MROH7: variants seen among roughly 807,000 people sequenced by gnomAD.
MROH7 encodes maestro heat-like repeat-containing protein family member 7.
A neutral mutation model predicts 129.2 loss-of-function variants in MROH7; 113 were observed. The observed-to-expected ratio is 0.87, with a 90% CI of 0.75 to 1.02. The LOEUF (loss-of-function observed/expected upper bound fraction) is 1.02. Ranked by LOEUF, MROH7 falls within the 50% of genes least tolerant of loss-of-function variation. MROH7 has a pLI of 0.00. For missense variants in MROH7, 1,601 were observed against 1,671.3 expected, an observed-to-expected ratio of 0.96 and a Z score of 0.73; for synonymous variants, 655 against 667.9, an observed-to-expected ratio of 0.98 and a Z score of 0.30.
At chr1:54,689,158 C>G (rs1411414816) in intron 15 of MROH7, among the ~76,000 whole-genome samples, 1 of 152,162 alleles carries the variant, frequency 6.6e-6, no homozygotes, top group African/African-American at 2.4e-5. Context: ...TGAGGTCCTC[C>G]TGGATTAACC....
rs751504853 is a variant in MROH7 at position 54,702,140 on chromosome 1, C to A, written c.3336C>A (p.Val1112=). ...GCATCAACCTGTATGGGAAGGTGGT[C>A]CAGAAGCTTCGGGCACCACGCACTC... The part of the protein sequence containing the change: ...SSCINLYGKV[V]QKLRAPRTQA... Residue 1112 remains valine (V), a synonymous_variant, in exon 20 of 24, where the codon GTC becomes GTA. Transcript: ENST00000421030. The A allele has an allele frequency of 1.9e-6, 3 of 1,611,666 alleles. No individual in the cohort carries two copies. Among genetic ancestry groups the A allele is most frequent in the Admixed American group, 1.7e-5 (1 of 59,814 alleles).
chr1:54,686,526 CA>C lies in MROH7; in HGVS notation c.2711+79del, dbSNP rs750615907. 2,331 of 1,302,120 alleles carry C rather than the reference CA, an allele frequency of 1.8e-3. 9 individuals carry two copies. Among genetic ancestry groups the C allele is most frequent in the Non-Finnish European group, 2.4e-3 (2,217 of 930,656 alleles). The allele number at this position is 1,302,120 out of a possible 1,614,324, so 80.7% of individuals were successfully genotyped here. On this transcript the variant is annotated intron_variant, in intron 15 of 23. Transcript: ENST00000421030. ...ATCCAGTCAGAGCCTCCAAAAGTCT[CA>C]GGGGCAATCAATCAATAGAAATCAG...
At chr1:54,709,875 A>G in intron 23 of MROH7, 71 bp from the exon 24 acceptor site, 1 of 1,550,676 alleles carries the variant, frequency 6.4e-7, no homozygotes, top group African/African-American at 1.4e-5. Context: ...TGGAGATGGG[A>G]AGGATTAGGT....
intron 1 of MROH7, among the ~76,000 whole-genome samples, chr1:54,648,823 A>G (rs533685936): frequency 6.6e-6 from 1 of 152,276 alleles, no homozygotes; most frequent in Admixed American, 6.5e-5. Flanking sequence ...TGATGAAGAA[A>G]TGGGGAGAGA....
chr1:54,695,526 C>T, intron 17 of MROH7, 36 bp downstream of exon 17: 1 of 1,364,190 alleles, frequency 7.3e-7, no homozygotes, highest in Non-Finnish European at 1.0e-6. Context: ...AGCGGGAGCT[C>T]CTCCCGGGCC....
At chr1:54,662,308 G>C (rs896418327) in intron 3 of MROH7, among the ~76,000 whole-genome samples, 2 of 152,032 alleles carry the variant, frequency 1.3e-5, no homozygotes, top group African/African-American at 4.8e-5. Flanking sequence ...GGCCGAGGCG[G>C]GCAGATCATT....
At chr1:54,669,770 C>T (rs1292111338) in intron 5 of MROH7, among the ~76,000 whole-genome samples, 1 of 152,048 alleles carries the variant, frequency 6.6e-6, no homozygotes, top group African/African-American at 2.4e-5. Context: ...GAGGCCAAGG[C>T]AGGTGGATCC....
In MROH7 at chr1:54,653,463, A is replaced by G. The variant is rs1557691400; in HGVS notation, c.537A>G (p.Ile179Met). 6.2e-7 allele frequency: 1 copy of G among 1,614,170 alleles called. No individual in the cohort carries two copies. The highest frequency in any genetic ancestry group is 8.5e-7 in the Non-Finnish European group (1 of 1,180,034). ...NPSRHELNPF[I>M]RHHSREGLVL... is the part of the protein sequence containing the mutation. ...CTAGGCATGAATTAAACCCATTTAT[A>G]AGGCACCATTCCAGAGAAGGTCTGG... Residue 179 changes from isoleucine to methionine, a missense_variant, in exon 3 of 24, where the codon ATA (isoleucine) becomes ATG (methionine). By Grantham distance (10) the Ile-to-Met change is conservative. Coordinates refer to ENST00000421030, the MANE Select transcript of MROH7 (RefSeq NM_001039464.4).
At chr1:54,652,744 C>G in intron 2 of MROH7, 109 bp from the exon 3 acceptor site, 1 of 746,592 alleles carries the variant, frequency 1.3e-6, no homozygotes, top group Non-Finnish European at 2.1e-6. Flanking sequence ...GCACAGTCAC[C>G]AGGGCCTTGT....
intron 13 of MROH7, 127 bp downstream of exon 13, chr1:54,680,172 T>C (rs1645046854): frequency 1.3e-6 from 1 of 799,068 alleles, no homozygotes; most frequent in Admixed American, 2.3e-5. Flanking sequence ...TTCTGTGATC[T>C]GGGGTGTTTA....
intron 3 of MROH7, among the ~76,000 whole-genome samples, chr1:54,658,259 T>C (rs755002783): frequency 1.3e-5 from 2 of 152,254 alleles, no homozygotes; most frequent in Non-Finnish European, 2.9e-5. Context: ...GTGAATGTTC[T>C]TAGCATTCTT....
chr1:54,674,262 G>A lies in MROH7; in HGVS notation c.1936+111G>A, dbSNP rs971832650. On this transcript the variant is annotated intron_variant, in intron 10 of 23. Coordinates refer to ENST00000421030, the MANE Select transcript of MROH7 (RefSeq NM_001039464.4). ...CATTAAGGCACTGGTGGGAGATGGG[G>A]GAAACCAGCACAGGGCCAGATGGGG... 1.8e-5 allele frequency: 23 copies of A among 1,266,942 alleles called. No individual in the cohort carries two copies. The Middle Eastern group carries it at 1.1e-3, about 60-fold the overall frequency. The allele number at this position is 1,266,942 out of a possible 1,614,324, so 78.5% of individuals were successfully genotyped here. A position where few individuals can be genotyped will look rare whatever the true frequency, so the allele number is the denominator to read the frequency against.
chr1:54,702,648 G>A lies in MROH7; in HGVS notation c.3467G>A (p.Cys1156Tyr). ...SQKCVKTLLR[C>Y]SYFMAWELPK... Reference sequence around the variant, plus strand: ...AAGTGTGTGAAGACCCTGTTACGCTGTTCTTACTTCATGGCTTGGGAGTTG... The same window carrying A: ...AAGTGTGTGAAGACCCTGTTACGCTATTCTTACTTCATGGCTTGGGAGTTG... The change falls in exon 21 of 24, where the codon TGT (cysteine) becomes TAT (tyrosine). Residue 1156 changes from cysteine to tyrosine, a missense_variant. By Grantham distance (194) the Cys-to-Tyr change is radical. Transcript: ENST00000421030. 1.9e-6 allele frequency: 3 copies of A among 1,613,846 alleles called. No individual in the cohort carries two copies. Among genetic ancestry groups the A allele is most frequent in the Non-Finnish European group, 2.5e-6 (3 of 1,179,874 alleles).
At chr1:54,682,890 G>A (rs1645093056) in intron 14 of MROH7, 96 bp downstream of exon 14, 32 of 1,370,838 alleles carry the variant, frequency 2.3e-5, no homozygotes, top group Non-Finnish European at 2.8e-5. Flanking sequence ...CTCGAGTACC[G>A]CACTCTGCCA....
chr1:54,699,122 C>CT (rs1249457406), intron 17 of MROH7: 1 of 88,782 alleles, frequency 1.1e-5, no homozygotes, highest in South Asian at 4.5e-4. Context: ...TTCTTTCTTT[C>CT]TTTCTTTCTT....
intron 13 of MROH7, 146 bp from the exon 14 acceptor site, chr1:54,682,510 G>T: frequency 2.7e-6 from 2 of 742,468 alleles, no homozygotes; most frequent in Non-Finnish European, 4.4e-6. Context: ...GACTCTTTGG[G>T]AGTGTTTTCT....
At chr1:54,642,102 A>G (rs1353893103) in intron 1 of MROH7, 134 bp downstream of exon 1, 3 of 152,200 alleles carry the variant, frequency 2.0e-5, no homozygotes, top group African/African-American at 4.8e-5. Context: ...AGGGAATGCC[A>G]TAAATCTGGG....
At position 54,665,305 on chromosome 1, in the gene MROH7, C is replaced by T. The variant is rs996981844; in HGVS notation, c.1305+65C>T. ...TACTTCCATCCTGCCAACCCCCTAC[C>T]CCCCAGCCCAGCAGCCTCCGCATTC... On this transcript the variant is annotated intron_variant, in intron 4 of 23. Transcript: ENST00000421030. 6 of 1,293,856 alleles carry T rather than the reference C, an allele frequency of 4.6e-6. No individual in the cohort carries two copies. In the African/African-American group the frequency reaches 7.3e-5, roughly 16 times the overall value. The allele number at this position is 1,293,856 out of a possible 1,614,324, so 80.1% of individuals were successfully genotyped here.
intron 7 of MROH7, among the ~76,000 whole-genome samples, chr1:54,671,776 G>A (rs1644907446): frequency 6.6e-6 from 1 of 152,210 alleles, no homozygotes. Context: ...ACTCCATGCT[G>A]AACTCAGCAC....
Sources: allele counts gnomAD v4.1 joint callset (sites outside exome capture counted in the v4.1 genomes callset), GRCh38; gene constraint gnomAD v4.1.1; transcripts MANE v1.5; gene names NCBI Gene and HGNC (gene_info 2026-07-23, HGNC 2026-07-21).